TTC28: variants seen among roughly 807,000 people sequenced by gnomAD.
TTC28 encodes tetratricopeptide repeat protein 28.
A neutral mutation model predicts 198.0 loss-of-function variants in TTC28; 61 were observed. The observed-to-expected ratio is 0.31, with a 90% CI of 0.25 to 0.38. The LOEUF (loss-of-function observed/expected upper bound fraction) is 0.38, where lower values mean the gene tolerates loss of function less well. Ranked by LOEUF, TTC28 falls within the 10% of genes least tolerant of loss-of-function variation. The probability of loss-of-function intolerance (pLI) is 1.00; values close to 1 mark genes in which losing one functional copy is unlikely to be tolerated. For missense variants in TTC28, 2,678 were observed against 3,164.0 expected (o/e 0.85, Z 3.69); for synonymous variants, 1,171 against 1,297.8 (o/e 0.90, Z 2.10).
chr22:28,463,286 G>A (rs555749378), intron 2 of TTC28, among the ~76,000 whole-genome samples: 29 of 152,162 alleles, frequency 1.9e-4, no homozygotes, highest in Non-Finnish European at 3.8e-4. Context: ...GGTTCCATAT[G>A]AATTTTAAAG....
chr22:28,481,559 G>A (rs981692384), intron 2 of TTC28, among the ~76,000 whole-genome samples: 1 of 152,094 alleles, frequency 6.6e-6, no homozygotes, highest in Admixed American at 6.5e-5. Flanking sequence ...TTAACAAAAT[G>A]CAGAAAGTCT....
At chr22:28,201,487 G>A (rs1219627227) in intron 5 of TTC28, among the ~76,000 whole-genome samples, 1 of 152,028 alleles carries the variant, frequency 6.6e-6, no homozygotes, top group African/African-American at 2.4e-5. Context: ...AATTAGAAAG[G>A]ATACTTAGAG....
intron 5 of TTC28, among the ~76,000 whole-genome samples, chr22:28,231,630 T>C (rs1928813134): frequency 1.3e-5 from 2 of 152,216 alleles, no homozygotes; most frequent in African/African-American, 4.8e-5. Flanking sequence ...AGTTTACACA[T>C]GGCTGGTGAA....
chr22:28,163,665 G>A (rs1921514613), intron 5 of TTC28, 66 bp from the exon 6 acceptor site: 2 of 1,452,654 alleles, frequency 1.4e-6, no homozygotes, highest in East Asian at 2.5e-5. Flanking sequence ...TATTTTGGCA[G>A]ATAAAATTTT....
At chr22:28,242,238 G>A (rs922098520) in intron 5 of TTC28, among the ~76,000 whole-genome samples, 3 of 152,126 alleles carry the variant, frequency 2.0e-5, no homozygotes, top group East Asian at 3.8e-4. Context: ...CTAATGGAGT[G>A]GGTGGTACAC....
intron 5 of TTC28, among the ~76,000 whole-genome samples, chr22:28,239,665 G>A (rs1929520106): frequency 6.6e-6 from 1 of 152,154 alleles, no homozygotes; most frequent in African/African-American, 2.4e-5. Context: ...TTGCTCTCAT[G>A]TAGGTTTTTT....
At chr22:28,431,884 AG>A (rs2047434887) in intron 2 of TTC28, among the ~76,000 whole-genome samples, 1 of 152,056 alleles carries the variant, frequency 6.6e-6, no homozygotes, top group African/African-American at 2.4e-5. Context: ...AGGCTGAGGC[AG>A]GAGAATCACT....
At chr22:28,090,613 T>C (rs1249416970) in intron 12 of TTC28, among the ~76,000 whole-genome samples, 5 of 152,198 alleles carry the variant, frequency 3.3e-5, no homozygotes, top group Non-Finnish European at 5.9e-5. Context: ...TTTTATACTA[T>C]TGGCAAATTG....
At chr22:27,985,206 T>C in intron 22 of TTC28, 43 bp downstream of exon 22, 3 of 1,416,296 alleles carry the variant, frequency 2.1e-6, no homozygotes, top group Non-Finnish European at 2.9e-6. Context: ...AGGGAGAGCA[T>C]GGCAGGCCCT....
chr22:28,497,520 A>C (rs3929680), intron 2 of TTC28, among the ~76,000 whole-genome samples: 4 of 152,154 alleles, frequency 2.6e-5, no homozygotes, highest in African/African-American at 2.4e-5. Context: ...GATCCTCCCC[A>C]AAACACATAA....
intron 5 of TTC28, among the ~76,000 whole-genome samples, chr22:28,275,067 C>T (rs920616223): frequency 6.7e-6 from 1 of 148,666 alleles, no homozygotes; most frequent in African/African-American, 2.5e-5. Flanking sequence ...AATACAATAT[C>T]TTGAACCCCA....
At chr22:28,345,312 T>C (rs1273657733) in intron 2 of TTC28, among the ~76,000 whole-genome samples, 9 of 151,978 alleles carry the variant, frequency 5.9e-5, no homozygotes, top group Non-Finnish European at 1.0e-4. Context: ...AAATAAAAAC[T>C]CACAGGAAGG....
intron 3 of TTC28, among the ~76,000 whole-genome samples, chr22:28,300,849 T>A (rs946632515): frequency 6.6e-6 from 1 of 152,186 alleles, no homozygotes; most frequent in Non-Finnish European, 1.5e-5. Context: ...AGAATACTTG[T>A]AGGGAAGGAA....
intron 12 of TTC28, among the ~76,000 whole-genome samples, chr22:28,083,258 CT>C (rs902652100): frequency 6.6e-6 from 1 of 151,954 alleles, no homozygotes; most frequent in Non-Finnish European, 1.5e-5. Context: ...TCAGAGACCC[CT>C]GAGCTAGAGT....
rs113714992 is a variant in TTC28, at chr22:28,632,768, T to TAAA, written c.103-2941_103-2939dup. On this transcript the variant is annotated intron_variant, in intron 1 of 22. Coordinates refer to ENST00000397906, the MANE Select transcript of TTC28 (RefSeq NM_001145418.2). ...GATTCATAAGTAGCCTGTAAGTTAT[T>TAAA]AAAAAAAAAAAAAGGAGAAGAAGAA... Among the ~76,000 whole-genome samples the TAAA allele has an allele frequency of 7.4e-3, 1,046 of 141,912 alleles. 13 individuals carry two copies. The highest frequency in any genetic ancestry group is 0.021 in the African/African-American group (823 of 39,058). The allele number at this position is 141,912 out of a possible 152,430, so 93.1% of individuals were successfully genotyped here. A position where few individuals can be genotyped will look rare whatever the true frequency, so the allele number is the denominator to read the frequency against.
chr22:28,661,423 A>G lies in TTC28; in HGVS notation c.102+18199T>C, dbSNP rs2051745540. ...AATAACAGCTTTATAACATTCATTT[A>G]TTCATTTATTTTTAGAGACTGGGTT... On this transcript the variant is annotated intron_variant, in intron 1 of 22. Transcript: ENST00000397906. Among the ~76,000 whole-genome samples, 3 of 152,092 alleles carry G rather than the reference A, an allele frequency of 2.0e-5. No homozygotes were observed. The South Asian group carries it at 6.2e-4, about 32-fold the overall frequency.
chr22:28,095,030 C>T (rs1443615234), intron 11 of TTC28, among the ~76,000 whole-genome samples: 1 of 152,118 alleles, frequency 6.6e-6, no homozygotes, highest in Non-Finnish European at 1.5e-5. Flanking sequence ...CGATATACCA[C>T]CTGTCAAATC....
intron 13 of TTC28, among the ~76,000 whole-genome samples, chr22:28,023,657 T>C (rs999489462): frequency 6.6e-6 from 1 of 152,216 alleles, no homozygotes; most frequent in African/African-American, 2.4e-5. Context: ...GTCAGAGTTG[T>C]CTGAAGACAG....
chr22:27,981,076 G>C lies in TTC28; in HGVS notation c.*1145C>G, dbSNP rs1936994485. ...GAGGGCCTGGGGGCAGCTCACAGAGGCAGGTGCTGGGATTGTGGGGACCTG... is the reference window on the plus strand; with the variant it reads ...GAGGGCCTGGGGGCAGCTCACAGAGCCAGGTGCTGGGATTGTGGGGACCTG... On this transcript the variant is annotated 3_prime_UTR_variant, in exon 23 of 23. Coordinates refer to ENST00000397906, the MANE Select transcript of TTC28 (RefSeq NM_001145418.2). 1 of 152,402 alleles carries C rather than the reference G, an allele frequency of 6.6e-6. No individual in the cohort carries two copies. The highest frequency in any genetic ancestry group is 1.5e-5 in the Non-Finnish European group (1 of 68,322). The allele number at this position is 152,402 out of a possible 1,614,324, so 9.4% of individuals were successfully genotyped here. A position where few individuals can be genotyped will look rare whatever the true frequency, so the allele number is the denominator to read the frequency against.
Sources: allele counts gnomAD v4.1 joint callset (sites outside exome capture counted in the v4.1 genomes callset), GRCh38; gene constraint gnomAD v4.1.1; transcripts MANE v1.5; gene names NCBI Gene and HGNC (gene_info 2026-07-23, HGNC 2026-07-21).